Variants in CCDC126 observed in about 807,000 individuals in gnomAD.
CCDC126 encodes coiled-coil domain containing 126.
Under a neutral mutation model 11.7 loss-of-function variants are expected in CCDC126, and 5 were observed. The ratio of observed to expected loss-of-function variants is 0.43; its 90% CI spans 0.22 to 0.90. CCDC126 has a LOEUF of 0.90. Among genes scored for constraint, CCDC126 ranks in the 40% least tolerant of loss-of-function variants. CCDC126 has a pLI of 0.27. For missense variants in CCDC126, 150 were observed against 163.1 expected, an observed-to-expected ratio of 0.92 and a Z score of 0.44; for synonymous variants, 60 against 61.9, an observed-to-expected ratio of 0.97 and a Z score of 0.14.
chr7:23,625,812 C>T (rs929611313), intron 3 of CCDC126, among the ~76,000 whole-genome samples: 12 of 151,776 alleles, frequency 7.9e-5, no homozygotes, highest in South Asian at 4.2e-4. Flanking sequence ...CCCGCCACCA[C>T]GCCCAGCTAA....
chr7:23,616,434 A>G (rs1782796806), intron 3 of CCDC126, among the ~76,000 whole-genome samples: 1 of 152,210 alleles, frequency 6.6e-6, no homozygotes, highest in Admixed American at 6.5e-5. Flanking sequence ...TTAAGGGAAC[A>G]GATCTTCTGG....
At chr7:23,638,156 C>T (rs1385039655) in intron 3 of CCDC126, among the ~76,000 whole-genome samples, 1 of 151,026 alleles carries the variant, frequency 6.6e-6, no homozygotes, top group Non-Finnish European at 1.5e-5. Flanking sequence ...TTCTGCCCGG[C>T]CGCCCCTACT....
chr7:23,638,088 T>A (rs1257757590), intron 3 of CCDC126, among the ~76,000 whole-genome samples: 176 of 90,840 alleles, frequency 1.9e-3, no homozygotes, highest in African/African-American at 5.9e-3. Context: ...TCCGGGAGGG[T>A]GGTGGGGGGG....
chr7:23,636,318 C>T (rs1265651882), intron 3 of CCDC126, among the ~76,000 whole-genome samples: 1 of 147,782 alleles, frequency 6.8e-6, no homozygotes, highest in Non-Finnish European at 1.5e-5. Context: ...CTGCCTGGCC[C>T]CCCATCGTCT....
intron 3 of CCDC126, among the ~76,000 whole-genome samples, chr7:23,627,940 T>A (rs1207457027): frequency 1.3e-5 from 2 of 152,174 alleles, no homozygotes; most frequent in Non-Finnish European, 2.9e-5. Flanking sequence ...AAAATAATAG[T>A]TTAAAAATTA....
intron 2 of CCDC126, among the ~76,000 whole-genome samples, chr7:23,608,419 A>G (rs1288690680): frequency 1.3e-5 from 2 of 152,316 alleles, no homozygotes; most frequent in African/African-American, 4.8e-5. Flanking sequence ...ACGGCTTTGA[A>G]TGTGGCCCAA....
At chr7:23,600,385 C>T (rs568807274) in intron 2 of CCDC126, among the ~76,000 whole-genome samples, 13 of 145,556 alleles carry the variant, frequency 8.9e-5, no homozygotes, top group Non-Finnish European at 1.8e-4. Context: ...CCCCCCCCCC[C>T]CCACCACCAT....
At chr7:23,622,541 G>C in intron 3 of CCDC126, 2 of 527,114 alleles carry the variant, frequency 3.8e-6, no homozygotes, top group South Asian at 2.9e-5. Context: ...CTGTCTGTAT[G>C]CCAGGTGTAT....
intron 3 of CCDC126, among the ~76,000 whole-genome samples, chr7:23,612,013 G>T (rs1782720242): frequency 6.6e-6 from 1 of 152,090 alleles, no homozygotes. Context: ...AGACATGGTG[G>T]CACGTGCTTG....
chr7:23,630,973 A>G (rs1217407995), intron 3 of CCDC126, among the ~76,000 whole-genome samples: 1 of 152,070 alleles, frequency 6.6e-6, no homozygotes, highest in Non-Finnish European at 1.5e-5. Context: ...TGAAAATGCA[A>G]CATAAAAAAT....
At chr7:23,622,084 T>A (rs1782914573) in intron 3 of CCDC126, among the ~76,000 whole-genome samples, 1 of 152,210 alleles carries the variant, frequency 6.6e-6, no homozygotes, top group Non-Finnish European at 1.5e-5. Flanking sequence ...ATCAGGATGA[T>A]GCTGGCCTCA....
intron 3 of CCDC126, among the ~76,000 whole-genome samples, chr7:23,620,942 C>T (rs1782882915): frequency 6.6e-6 from 1 of 152,166 alleles, no homozygotes; most frequent in South Asian, 2.1e-4. Flanking sequence ...GTATGTATCT[C>T]TGTTTTGGTA....
At position 23,626,723 on chromosome 7, in the gene CCDC126, A is replaced by G. The variant is rs190988677; in HGVS notation, c.238+15170A>G. ...TTCTTTGTGTTCGTAAGTTCTTATC[A>G]TTTAGCTCCCACTTAGAAGTGAGAA... On this transcript the variant is annotated intron_variant, in intron 3 of 3. Transcript: ENST00000307471. 1.8e-4 allele frequency among the ~76,000 whole-genome samples: 27 copies of G among 152,250 alleles called. 2 individuals carry two copies. Among genetic ancestry groups the G allele is most frequent in the African/African-American group, 4.6e-4 (19 of 41,560 alleles).
intron 3 of CCDC126, chr7:23,622,816 C>T (rs1396836048): frequency 3.0e-5 from 13 of 440,362 alleles, no homozygotes; most frequent in African/African-American, 6.1e-5. Flanking sequence ...TACAGAGCCC[C>T]TCCATTCTAA....
chr7:23,621,060 G>A (rs1295882477), intron 3 of CCDC126, among the ~76,000 whole-genome samples: 29 of 152,232 alleles, frequency 1.9e-4, no homozygotes, highest in Non-Finnish European at 3.2e-4. Flanking sequence ...TTGGCAATGC[G>A]GGCTCTTTTT....
In CCDC126 at chr7:23,620,986, G is replaced by A. The variant is rs563233623; in HGVS notation, c.238+9433G>A. ...ATGCTGTTTTGGTTACTGTAGCCTT[G>A]TAGTATAGTTTGAAGTCAGGTAGTG... On this transcript the variant is annotated intron_variant, in intron 3 of 3. Transcript: ENST00000307471. Among the ~76,000 whole-genome samples the A allele has an allele frequency of 1.7e-4, 26 of 152,352 alleles. 2 individuals are homozygous for A. The highest frequency in any genetic ancestry group is 4.3e-4 in the African/African-American group (18 of 41,584).
intron 3 of CCDC126, among the ~76,000 whole-genome samples, chr7:23,638,727 T>TAAAAAAAAAAAAAAAAAAACA (rs1783292496): frequency 3.3e-5 from 3 of 89,668 alleles, no homozygotes; most frequent in East Asian, 3.0e-4. Flanking sequence ...AAAAAAAAAT[T>TAAAAAAAAAAAAAAAAAAACA]AAAAAAAAAA....
chr7:23,611,926 G>A (rs1424935861), intron 3 of CCDC126, among the ~76,000 whole-genome samples: 7 of 152,058 alleles, frequency 4.6e-5, no homozygotes, highest in African/African-American at 1.7e-4. Flanking sequence ...GATGGATCAC[G>A]AGGTCAGGAA....
chr7:23,636,047 G>A (rs1289420397), intron 3 of CCDC126, among the ~76,000 whole-genome samples: 2 of 151,786 alleles, frequency 1.3e-5, no homozygotes, highest in Non-Finnish European at 2.9e-5. Context: ...TTTTTTTTTG[G>A]TGGAGACGGG....
Sources: allele counts gnomAD v4.1 joint callset (sites outside exome capture counted in the v4.1 genomes callset), GRCh38; gene constraint gnomAD v4.1.1; transcripts MANE v1.5; gene names NCBI Gene and HGNC (gene_info 2026-07-23, HGNC 2026-07-21).